The following RTN1 variants were observed in gnomAD, a reference collection of about 807,000 sequenced individuals.
The protein encoded by RTN1 is reticulon-1.
In RTN1, 25 loss-of-function variants were observed where a neutral mutation model predicts 65.5. That is an observed-to-expected ratio of 0.38 (90% CI 0.28 to 0.53). The LOEUF is 0.53. Among genes scored for constraint, RTN1 ranks in the 20% least tolerant of loss-of-function variants. The probability of loss-of-function intolerance (pLI) is 0.79; values close to 1 mark genes in which losing one functional copy is unlikely to be tolerated. For synonymous variants in RTN1, 471 were observed against 447.6 expected (o/e 1.05, Z -0.66); for missense variants, 983 against 1,025.4 (o/e 0.96, Z 0.57).
At chr14:59,705,031 G>A (rs1884260577) in intron 3 of RTN1, among the ~76,000 whole-genome samples, 1 of 152,142 alleles carries the variant, frequency 6.6e-6, no homozygotes, top group South Asian at 2.1e-4. Flanking sequence ...TATATAATAA[G>A]GGAAATATGG....
chr14:59,765,852 C>T (rs17731838), intron 1 of RTN1, among the ~76,000 whole-genome samples: 28,470 of 151,864 alleles, frequency 0.19, 3,371 homozygotes, highest in Admixed American at 0.34. Context: ...ATCATGACTC[C>T]TAAAGATTGT....
At chr14:59,691,050 C>T (rs1322745555) in intron 3 of RTN1, among the ~76,000 whole-genome samples, 2 of 151,876 alleles carry the variant, frequency 1.3e-5, no homozygotes, top group Non-Finnish European at 2.9e-5. Context: ...AACAAAGTAA[C>T]CCAAAAGCTA....
At position 59,746,013 on chromosome 14, in the gene RTN1, C is replaced by T. The variant is rs1218288997; in HGVS notation, c.710G>A (p.Arg237His). 8 of 1,614,140 alleles carry T rather than the reference C, an allele frequency of 5.0e-6. No individual in the cohort carries two copies. Among genetic ancestry groups the T allele is most frequent in the Admixed American group, 1.7e-5 (1 of 60,010 alleles). ...TDISIKPEGV[R>H]EPDKPAPVEG... Reference sequence around the variant, plus strand: ...CACAGGAGCTGGTTTGTCAGGTTCACGGACTCCTTCAGGTTTAATTGAGAT... The same window carrying T: ...CACAGGAGCTGGTTTGTCAGGTTCATGGACTCCTTCAGGTTTAATTGAGAT... Residue 237 changes from arginine (R) to histidine (H), a missense_variant, in exon 2 of 9, where the codon CGT (arginine) becomes CAT (histidine). This residue lies in a region of RTN1 where 818 missense variants were observed against 801.8 expected (regional missense o/e 1.02). Coordinates refer to ENST00000267484, the MANE Select transcript of RTN1 (RefSeq NM_021136.3).
chr14:59,857,094 G>A (rs1887621997), intron 1 of RTN1, among the ~76,000 whole-genome samples: 1 of 152,028 alleles, frequency 6.6e-6, no homozygotes. Flanking sequence ...ATAATAATAG[G>A]AGTACCTGTA....
chr14:59,756,770 G>T (rs1443096205), intron 1 of RTN1, among the ~76,000 whole-genome samples: 2 of 150,246 alleles, frequency 1.3e-5, no homozygotes, highest in Non-Finnish European at 3.0e-5. Flanking sequence ...TAGCTCTTTT[G>T]CTCCCCACCC....
At chr14:59,645,685 C>T (rs1882879316) in intron 3 of RTN1, among the ~76,000 whole-genome samples, 1 of 152,318 alleles carries the variant, frequency 6.6e-6, no homozygotes, top group Middle Eastern at 3.4e-3. Flanking sequence ...GAACCCCCAG[C>T]ACAGAGCATC....
intron 3 of RTN1, among the ~76,000 whole-genome samples, chr14:59,647,595 A>G (rs1303118916): frequency 6.6e-6 from 1 of 152,200 alleles, no homozygotes; most frequent in African/African-American, 2.4e-5. Flanking sequence ...ATCATACCAA[A>G]TTCACTCTTG....
chr14:59,677,657 A>C (rs1883656298), intron 3 of RTN1, among the ~76,000 whole-genome samples: 1 of 152,202 alleles, frequency 6.6e-6, no homozygotes, highest in African/African-American at 2.4e-5. Flanking sequence ...GAACAGGCGT[A>C]ATTATTTTTT....
At chr14:59,819,425 ACCCCCCACC>A (rs1886892187) in intron 1 of RTN1, among the ~76,000 whole-genome samples, 1 of 14,822 alleles carries the variant, frequency 6.7e-5, no homozygotes, top group Non-Finnish European at 1.1e-4. Context: ...CCCCCCCCCC[ACCCCCCACC>A]CCCCCCCCCC....
At chr14:59,801,240 A>G (rs560913061) in intron 1 of RTN1, among the ~76,000 whole-genome samples, 21 of 152,340 alleles carry the variant, frequency 1.4e-4, no homozygotes, top group African/African-American at 5.0e-4. Flanking sequence ...TCACTGATTC[A>G]AGAACCCTAG....
Position 59,836,297 on chromosome 14 carries a change from G to A in RTN1, c.241+34093C>T, listed in dbSNP as rs1330886562. The stretch of plus-strand genomic sequence containing the variant: ...AGTTAGCATTTTTGGATTCACATGT[G>A]CCAGGCATGCTGCCAAGGGCTTTAC... On this transcript the variant is annotated intron_variant, in intron 1 of 8. Transcript: ENST00000267484. The surrounding 1 kb of genome is among the most constrained non-coding windows in gnomAD (Gnocchi z 4.9). Among the ~76,000 whole-genome samples the A allele has an allele frequency of 6.6e-6, 1 of 152,206 alleles. No homozygotes were observed. The highest frequency in any genetic ancestry group is 1.9e-4 in the East Asian group (1 of 5,198).
At chr14:59,673,627 T>C (rs1028560102) in intron 3 of RTN1, among the ~76,000 whole-genome samples, 5 of 152,144 alleles carry the variant, frequency 3.3e-5, no homozygotes, top group African/African-American at 1.2e-4. Flanking sequence ...TGCATGCTGA[T>C]TGGTCCATGG....
intron 3 of RTN1, among the ~76,000 whole-genome samples, chr14:59,651,403 C>T (rs1051333828): frequency 1.3e-5 from 2 of 152,052 alleles, no homozygotes; most frequent in African/African-American, 4.8e-5. Flanking sequence ...GGATTAAAGA[C>T]TTAAATGTAA....
chr14:59,769,000 T>C (rs1885902759), intron 1 of RTN1, among the ~76,000 whole-genome samples: 1 of 152,200 alleles, frequency 6.6e-6, no homozygotes, highest in East Asian at 1.9e-4. Context: ...TGTAGGACTT[T>C]CAGTGCTTAA....
intron 1 of RTN1, among the ~76,000 whole-genome samples, chr14:59,755,661 G>T (rs921590863): frequency 6.6e-6 from 1 of 152,160 alleles, no homozygotes; most frequent in African/African-American, 2.4e-5. Flanking sequence ...GGATGAATAT[G>T]CCAGAGAGAC....
chr14:59,691,091 C>A (rs914179653), intron 3 of RTN1, among the ~76,000 whole-genome samples: 8 of 152,054 alleles, frequency 5.3e-5, no homozygotes, highest in African/African-American at 1.9e-4. Flanking sequence ...AAAATCAGAG[C>A]AGAACTGAAC....
chr14:59,674,088 C>T (rs548321806), intron 3 of RTN1, among the ~76,000 whole-genome samples: 1 of 152,290 alleles, frequency 6.6e-6, no homozygotes, highest in Admixed American at 6.5e-5. Context: ...ACACCCACAT[C>T]CCTTCAATCT....
intron 3 of RTN1, among the ~76,000 whole-genome samples, chr14:59,624,189 C>T (rs887641521): frequency 6.6e-6 from 1 of 152,114 alleles, no homozygotes; most frequent in Non-Finnish European, 1.5e-5. Context: ...TAACTTTGCT[C>T]AGCTTGAACT....
At chr14:59,670,886 T>C (rs1250598723) in intron 3 of RTN1, among the ~76,000 whole-genome samples, 4 of 152,086 alleles carry the variant, frequency 2.6e-5, no homozygotes, top group African/African-American at 9.7e-5. Flanking sequence ...TATTAACACA[T>C]CTTTGAAAGC....
Sources: gnomAD v4.1 joint callset for allele counts (sites outside exome capture counted in the v4.1 genomes callset) on GRCh38, gnomAD v4.1.1 for gene constraint, gnomAD v4.1.1 regional missense constraint, Gnocchi (gnomAD v3.1) non-coding constraint, MANE v1.5 for transcripts, NCBI Gene and HGNC (gene_info 2026-07-23, HGNC 2026-07-21) for gene names.